Variants in ITPRID1 observed in about 807,000 individuals in gnomAD.
The protein encoded by ITPRID1 is ITPR interacting domain containing 1.
In ITPRID1, 96 loss-of-function variants were observed where a neutral mutation model predicts 95.4. The ratio of observed to expected loss-of-function variants is 1.01; its 90% CI spans 0.85 to 1.19. ITPRID1 has a LOEUF of 1.19. Among genes scored for constraint, ITPRID1 ranks in the 50% most tolerant of loss-of-function variants. ITPRID1 has a pLI of 0.00. For synonymous variants in ITPRID1, 510 were observed against 453.6 expected (o/e 1.12, Z -1.58); for missense variants, 1,339 against 1,252.9 (o/e 1.07, Z -1.04).
chr7:31,637,174 G>A (rs944380837), intron 10 of ITPRID1, among the ~76,000 whole-genome samples: 1 of 151,904 alleles, frequency 6.6e-6, no homozygotes, highest in Non-Finnish European at 1.5e-5. Flanking sequence ...CTTTGCTATT[G>A]TGAATAGTGC....
chr7:31,561,471 A>C (rs914869661), intron 5 of ITPRID1, among the ~76,000 whole-genome samples: 1 of 151,318 alleles, frequency 6.6e-6, no homozygotes, highest in African/African-American at 2.4e-5. Context: ...ACCCAAGCTC[A>C]TTTGCTGATA....
At position 31,516,196 on chromosome 7, in the gene ITPRID1, A is replaced by C. The variant is rs189696440; in HGVS notation, c.-98+2076A>C. Among the ~76,000 whole-genome samples the C allele has an allele frequency of 1.6e-3, 248 of 152,278 alleles. 3 individuals carry two copies. Among genetic ancestry groups the C allele is most frequent in the African/African-American group, 5.8e-3 (243 of 41,562 alleles). On this transcript the variant is annotated intron_variant, in intron 1 of 14. Coordinates refer to ENST00000615280, the MANE Select transcript of ITPRID1 (RefSeq NM_001257967.3). ...GATTAATAATAAACCCTCTTTGTAA[A>C]ACACAGTATATAATGTGCATAATCA...
chr7:31,565,070 A>G (rs775182571), intron 5 of ITPRID1, among the ~76,000 whole-genome samples: 1 of 152,144 alleles, frequency 6.6e-6, no homozygotes, highest in Non-Finnish European at 1.5e-5. Context: ...CAACCACCCA[A>G]CATACAATGA....
intron 1 of ITPRID1, among the ~76,000 whole-genome samples, chr7:31,527,110 C>T (rs1025652172): frequency 1.3e-5 from 2 of 152,124 alleles, no homozygotes; most frequent in African/African-American, 4.8e-5. Flanking sequence ...GACCTCAGAC[C>T]TTTGCACCTT....
At chr7:31,559,185 A>G (rs1784547127) in intron 5 of ITPRID1, among the ~76,000 whole-genome samples, 1 of 152,134 alleles carries the variant, frequency 6.6e-6, no homozygotes, top group African/African-American at 2.4e-5. Context: ...ATATTTTCAT[A>G]AATGAGCTCC....
Position 31,654,924 on chromosome 7 carries a change from G to T in ITPRID1, c.*2095G>T, listed in dbSNP as rs951294791. On this transcript the variant is annotated 3_prime_UTR_variant, in exon 15 of 15. Coordinates refer to ENST00000615280, the MANE Select transcript of ITPRID1 (RefSeq NM_001257967.3). ...TTTGGAAAGCCTTTGACTCAGCGGG[G>T]CCTTCCTACCCTTGGGACCACCACA... 2.6e-5 allele frequency among the ~76,000 whole-genome samples: 4 copies of T among 152,054 alleles called. No individual in the cohort carries two copies. The highest frequency in any genetic ancestry group is 4.4e-5 in the Non-Finnish European group (3 of 68,000).
intron 1 of ITPRID1, among the ~76,000 whole-genome samples, chr7:31,522,963 T>C (rs946725075): frequency 3.9e-5 from 6 of 152,202 alleles, no homozygotes; most frequent in African/African-American, 1.4e-4. Flanking sequence ...CTGCCACCTA[T>C]ATTGTATGGG....
chr7:31,590,588 C>T (rs902003204), intron 10 of ITPRID1, among the ~76,000 whole-genome samples: 1 of 151,702 alleles, frequency 6.6e-6, no homozygotes, highest in South Asian at 2.1e-4. Flanking sequence ...TTTCAGCCAT[C>T]ATGAATATAA....
Position 31,643,111 on chromosome 7 carries a change from G to T in ITPRID1, c.1741G>T (p.Val581Leu). 6.2e-7 allele frequency: 1 copy of T among 1,613,982 alleles called. No homozygotes were observed. The highest frequency in any genetic ancestry group is 8.5e-7 in the Non-Finnish European group (1 of 1,179,884). Residue 581 changes from valine to leucine, a missense_variant, in exon 12 of 15, where the codon GTG becomes TTG. By Grantham distance (32) the Val-to-Leu change is conservative (BLOSUM62 1). Transcript: ENST00000615280. ...CGTCACAGAAATGCAGGACAGTTTT[G>T]TGAGGCCTGAGGGAGCTGGCAAAGT... ...THVTEMQDSF[V>L]RPEGAGKVQS...
intron 10 of ITPRID1, among the ~76,000 whole-genome samples, chr7:31,627,674 A>AAAAAAAAAAAAAAAAAAC (rs1788599443): frequency 6.6e-6 from 1 of 151,496 alleles, no homozygotes; most frequent in Non-Finnish European, 1.5e-5. Flanking sequence ...AAAAAAAAAA[A>AAAAAAAAAAAAAAAAAAC]AAAAAAAAAT....
At chr7:31,527,853 C>T (rs1037101635) in intron 1 of ITPRID1, among the ~76,000 whole-genome samples, 4 of 152,158 alleles carry the variant, frequency 2.6e-5, no homozygotes, top group African/African-American at 7.2e-5. Context: ...TTTTAACTAT[C>T]TCTTTATCAC....
rs187365124 is a variant in ITPRID1 at position 31,546,832 on chromosome 7, T to C, written c.-97-2594T>C. ...TAGTGATTTACACTGAACTATGGGATTACAAAGGGGCCTTTAAAGCCACAC... is the reference window on the plus strand; with the variant it reads ...TAGTGATTTACACTGAACTATGGGACTACAAAGGGGCCTTTAAAGCCACAC... On this transcript the variant is annotated intron_variant, in intron 1 of 14. Coordinates refer to ENST00000615280, the MANE Select transcript of ITPRID1 (RefSeq NM_001257967.3). Among the ~76,000 whole-genome samples, 609 of 152,094 alleles carry C rather than the reference T, an allele frequency of 4.0e-3. 1 individual carries two copies. The highest frequency in any genetic ancestry group is 6.7e-3 in the Non-Finnish European group (454 of 67,980).
At position 31,653,751 on chromosome 7, in the gene ITPRID1, G is replaced by A. The variant is rs1791147922; in HGVS notation, c.*922G>A. On this transcript the variant is annotated 3_prime_UTR_variant, in exon 15 of 15. Transcript: ENST00000615280. ...TCCTGAGGTTTATTTTCCTTTCACA[G>A]AATATAAACATGTACGTACATTTAT... The A allele has an allele frequency of 6.6e-6, 1 of 152,130 alleles. No individual in the cohort carries two copies. Among genetic ancestry groups the A allele is most frequent in the African/African-American group, 2.4e-5 (1 of 41,424 alleles). 9.4% of individuals were successfully genotyped at this position (152,130 alleles called of 1,614,324 possible). A position where few individuals can be genotyped will look rare whatever the true frequency, so the allele number is the denominator to read the frequency against.
At chr7:31,520,556 TGTGTGTGTGAGAGA>T (rs1207345817) in intron 1 of ITPRID1, among the ~76,000 whole-genome samples, 2,084 of 105,576 alleles carry the variant, frequency 0.02, 44 homozygotes, top group African/African-American at 0.061. Flanking sequence ...TGTGTGTGTG[TGTGTGTGTGAGAGA>T]GAGAGAGAGA....
intron 10 of ITPRID1, among the ~76,000 whole-genome samples, chr7:31,632,236 C>G (rs897244897): frequency 5.3e-5 from 8 of 152,240 alleles, no homozygotes; most frequent in African/African-American, 1.2e-4. Flanking sequence ...ATCATGAGGT[C>G]AGGCGATCAA....
At chr7:31,555,129 A>C in intron 5 of ITPRID1, 1 of 488,300 alleles carries the variant, frequency 2.0e-6, no homozygotes, top group Non-Finnish European at 3.7e-6. Context: ...TTGCCATATC[A>C]TCAATGGCTC....
At chr7:31,559,884 A>G (rs1326337347) in intron 5 of ITPRID1, among the ~76,000 whole-genome samples, 1 of 152,194 alleles carries the variant, frequency 6.6e-6, no homozygotes, top group Non-Finnish European at 1.5e-5. Flanking sequence ...CCACAGGAAC[A>G]CGAAGTTTCT....
At chr7:31,515,823 G>A (rs896332120) in intron 1 of ITPRID1, among the ~76,000 whole-genome samples, 15 of 152,166 alleles carry the variant, frequency 9.9e-5, no homozygotes, top group Non-Finnish European at 1.6e-4. Flanking sequence ...TGGAAGGAGG[G>A]AATGTGAAGA....
intron 12 of ITPRID1, among the ~76,000 whole-genome samples, chr7:31,645,763 G>T (rs1322174666): frequency 6.6e-6 from 1 of 152,134 alleles, no homozygotes; most frequent in Non-Finnish European, 1.5e-5. Context: ...ACGGGAGGGG[G>T]GTGGTTGCTA....
Sources: gnomAD v4.1 joint callset for allele counts (sites outside exome capture counted in the v4.1 genomes callset) on GRCh38, gnomAD v4.1.1 for gene constraint, MANE v1.5 for transcripts, NCBI Gene and HGNC (gene_info 2026-07-23, HGNC 2026-07-21) for gene names.